CPEB3: variants seen among roughly 807,000 people sequenced by gnomAD.
The protein encoded by CPEB3 is cytoplasmic polyadenylation element binding protein 3.
In CPEB3, 20 loss-of-function variants were observed where a neutral mutation model predicts 67.2. The ratio of observed to expected loss-of-function variants is 0.30; its 90% CI spans 0.21 to 0.43. The LOEUF is 0.43. Ranked by LOEUF, CPEB3 falls within the 20% of genes least tolerant of loss-of-function variation. The pLI, the probability that CPEB3 is intolerant of heterozygous loss-of-function variation, is 1.00. For missense variants in CPEB3, 746 were observed against 968.6 expected (o/e 0.77, Z 3.05); for synonymous variants, 376 against 393.1 (o/e 0.96, Z 0.51).
chr10:92,252,392 A>G (rs760233389), intron 1 of CPEB3, among the ~76,000 whole-genome samples: 1 of 152,192 alleles, frequency 6.6e-6, no homozygotes, highest in African/African-American at 2.4e-5. Context: ...AGCAGTGTCT[A>G]TTAAAGCTAA....
chr10:92,184,123 A>C (rs1848581781), intron 3 of CPEB3, among the ~76,000 whole-genome samples: 2 of 152,226 alleles, frequency 1.3e-5, no homozygotes, highest in Non-Finnish European at 2.9e-5. Flanking sequence ...TCGTACGCTG[A>C]TTACTTCCAA....
At chr10:92,162,396 AT>A in intron 4 of CPEB3, among the ~76,000 whole-genome samples, 1 of 152,040 alleles carries the variant, frequency 6.6e-6, no homozygotes. Context: ...ATAGATACAT[AT>A]ATTATGTATC....
At chr10:92,235,557 C>A (rs1335867943) in intron 2 of CPEB3, among the ~76,000 whole-genome samples, 1 of 152,184 alleles carries the variant, frequency 6.6e-6, no homozygotes, top group Non-Finnish European at 1.5e-5. Flanking sequence ...TACTATGGGC[C>A]AGGCACTGTG....
rs1225664890 is a variant in CPEB3, at chr10:92,239,382, G to C, written c.969C>G (p.Phe323Leu). ...TSKSWMEDNA[F>L]RTDNGNNLLP... The stretch of plus-strand genomic sequence containing the variant: ...ACAGATTGTTACCATTATCGGTCCG[G>C]AAAGCGTTATCCTCCATCCAGGACT... Residue 323 changes from phenylalanine to leucine, a missense_variant, in exon 2 of 10, where the codon TTC (phenylalanine) becomes TTG (leucine). Phe to Leu is a conservative substitution (Grantham distance 22, BLOSUM62 0). This residue lies in a region of CPEB3 where 643 missense variants were observed against 717.5 expected (regional missense o/e 0.90). Transcript: ENST00000265997. This position sits in a 1 kb window ranked among gnomAD's most constrained non-coding sequence, Gnocchi z 6.0. 6.2e-7 allele frequency: 1 copy of C among 1,606,650 alleles called. No individual in the cohort carries two copies. The highest frequency in any genetic ancestry group is 8.5e-7 in the Non-Finnish European group (1 of 1,176,650).
intron 6 of CPEB3, among the ~76,000 whole-genome samples, chr10:92,121,127 G>T (rs1590186236): frequency 6.6e-6 from 1 of 151,770 alleles, no homozygotes; most frequent in African/African-American, 2.4e-5. Flanking sequence ...TCCTGCCTCA[G>T]CCTCCCGATT....
At chr10:92,122,938 T>C (rs1845456098) in intron 6 of CPEB3, among the ~76,000 whole-genome samples, 1 of 152,236 alleles carries the variant, frequency 6.6e-6, no homozygotes, top group African/African-American at 2.4e-5. Flanking sequence ...GATTCAGAAC[T>C]AAACATATTT....
chr10:92,236,564 A>G (rs1190344452), intron 2 of CPEB3, among the ~76,000 whole-genome samples: 1 of 152,146 alleles, frequency 6.6e-6, no homozygotes, highest in Non-Finnish European at 1.5e-5. Flanking sequence ...CCTGGTCAAT[A>G]TGGTGAAACC....
At chr10:92,185,795 G>A (rs1398269501) in intron 3 of CPEB3, among the ~76,000 whole-genome samples, 1 of 152,182 alleles carries the variant, frequency 6.6e-6, no homozygotes, top group Non-Finnish European at 1.5e-5. Context: ...TATAAAGTTA[G>A]AGAGACATTG....
intron 2 of CPEB3, among the ~76,000 whole-genome samples, chr10:92,236,746 TCA>T (rs3047561): frequency 0.22 from 33,419 of 150,622 alleles, 4,593 homozygotes; most frequent in Middle Eastern, 0.34. Flanking sequence ...TGAAACATTG[TCA>T]CACACACACA....
In CPEB3 at chr10:92,229,493, G is replaced by A. The variant is rs116828303; in HGVS notation, c.1005+9853C>T. On this transcript the variant is annotated intron_variant, in intron 2 of 9. Coordinates refer to ENST00000265997, the MANE Select transcript of CPEB3 (RefSeq NM_014912.5). ...AGAATGAGTTGATCAATGATGAAGC[G>A]ATAAAGAAAAATCTAACTCTTAAGA... is the stretch of plus-strand genomic sequence containing the variant. 8.4e-3 allele frequency among the ~76,000 whole-genome samples: 1,281 copies of A among 152,224 alleles called. 26 individuals are homozygous for A. Among genetic ancestry groups the A allele is most frequent in the African/African-American group, 0.03 (1,226 of 41,548 alleles).
In CPEB3 at chr10:92,191,262, C is replaced by T. The variant is rs548336569; in HGVS notation, c.1165+1215G>A. Among the ~76,000 whole-genome samples the T allele has an allele frequency of 2.7e-4, 41 of 151,772 alleles. 1 individual carries two copies. The highest frequency in any genetic ancestry group is 9.4e-4 in the African/African-American group (39 of 41,410). ...ATTAAAAATACAAAAACCAGCAGGG[C>T]GAGGTGGCGGGCACCTGTAATCCCA... On this transcript the variant is annotated intron_variant, in intron 3 of 9. Coordinates refer to ENST00000265997, the MANE Select transcript of CPEB3 (RefSeq NM_014912.5).
chr10:92,272,948 G>A (rs549516428), intron 1 of CPEB3, among the ~76,000 whole-genome samples: 1 of 152,260 alleles, frequency 6.6e-6, no homozygotes, highest in East Asian at 1.9e-4. Flanking sequence ...ATGTGGGGAG[G>A]CCAAATATGA....
intron 3 of CPEB3, among the ~76,000 whole-genome samples, chr10:92,186,305 G>A (rs940715001): frequency 8.6e-5 from 13 of 151,884 alleles, no homozygotes; most frequent in East Asian, 1.9e-4. Context: ...TGGGAGGAGA[G>A]CTTGAGCCCG....
chr10:92,182,503 G>A (rs1184148736), intron 3 of CPEB3, among the ~76,000 whole-genome samples: 4 of 152,104 alleles, frequency 2.6e-5, no homozygotes, highest in East Asian at 1.9e-4. Flanking sequence ...CCCAGGCTAC[G>A]ATAATTTGTA....
intron 2 of CPEB3, among the ~76,000 whole-genome samples, chr10:92,200,228 C>A (rs907263841): frequency 6.6e-6 from 1 of 151,930 alleles, no homozygotes; most frequent in Non-Finnish European, 1.5e-5. Context: ...TCTCAAGAAC[C>A]CTCAAAATAG....
intron 8 of CPEB3, among the ~76,000 whole-genome samples, chr10:92,086,432 CAGAGTACACTGGTACCAAGT>C (rs1209695579): frequency 1.3e-5 from 2 of 152,328 alleles, no homozygotes; most frequent in South Asian, 2.1e-4. Context: ...TTAAATCAGA[CAGAGTACACTGGTACCAAGT>C]AGACTGTTAC....
At chr10:92,095,614 ATTG>A (rs1843833142) in intron 7 of CPEB3, among the ~76,000 whole-genome samples, 2 of 97,854 alleles carry the variant, frequency 2.0e-5, no homozygotes, top group Admixed American at 1.1e-4. Flanking sequence ...TTTTTTTTTC[ATTG>A]TGTATATATA....
At chr10:92,130,793 A>G (rs561909436) in intron 6 of CPEB3, among the ~76,000 whole-genome samples, 1 of 152,224 alleles carries the variant, frequency 6.6e-6, no homozygotes, top group East Asian at 1.9e-4. Context: ...TGAACAGATG[A>G]TTCTATTTCA....
At chr10:92,234,757 T>C (rs1230014527) in intron 2 of CPEB3, among the ~76,000 whole-genome samples, 1 of 151,872 alleles carries the variant, frequency 6.6e-6, no homozygotes, top group Non-Finnish European at 1.5e-5. Context: ...AAACCCCGTC[T>C]CTACTAAAAA....
Sources: allele counts gnomAD v4.1 joint callset (sites outside exome capture counted in the v4.1 genomes callset), GRCh38; gene constraint gnomAD v4.1.1; regional missense constraint gnomAD v4.1.1; non-coding constraint Gnocchi (gnomAD v3.1); transcripts MANE v1.5; gene names NCBI Gene and HGNC (gene_info 2026-07-23, HGNC 2026-07-21).